Variants in PTPRZ1 observed in about 807,000 individuals in gnomAD.
PTPRZ1 encodes protein tyrosine phosphatase receptor type Z1, also known as receptor-type tyrosine-protein phosphatase zeta.
In PTPRZ1, 82 loss-of-function variants were observed where a neutral mutation model predicts 214.1. The ratio of observed to expected loss-of-function variants is 0.38; its 90% CI spans 0.32 to 0.46. The LOEUF (loss-of-function observed/expected upper bound fraction) is 0.46. Ranked by LOEUF, PTPRZ1 falls within the 20% of genes least tolerant of loss-of-function variation. PTPRZ1 has a pLI of 1.00. For missense variants in PTPRZ1, 2,603 were observed against 2,748.7 expected (o/e 0.95, Z 1.19); for synonymous variants, 945 against 987.9 (o/e 0.96, Z 0.81).
At chr7:122,002,354 T>C (rs573190487) in intron 10 of PTPRZ1, among the ~76,000 whole-genome samples, 32 of 152,178 alleles carry the variant, frequency 2.1e-4, no homozygotes, top group Non-Finnish European at 4.1e-4. Flanking sequence ...CCCATGAGAG[T>C]GCCAAGGAGA....
chr7:122,014,937 A>AG (rs1798802454), intron 12 of PTPRZ1, among the ~76,000 whole-genome samples: 2 of 152,184 alleles, frequency 1.3e-5, no homozygotes, highest in Admixed American at 6.5e-5. Flanking sequence ...ATGGGCATTA[A>AG]TATGTACAGT....
At chr7:122,026,763 G>A (rs1451764105) in intron 13 of PTPRZ1, among the ~76,000 whole-genome samples, 1 of 152,180 alleles carries the variant, frequency 6.6e-6, no homozygotes, top group Non-Finnish European at 1.5e-5. Flanking sequence ...TACCACAGTA[G>A]ATGACTAATT....
intron 2 of PTPRZ1, among the ~76,000 whole-genome samples, chr7:121,958,910 G>A (rs527252340): frequency 5.3e-5 from 8 of 152,124 alleles, no homozygotes; most frequent in African/African-American, 1.9e-4. Flanking sequence ...TGCAACCTCC[G>A]CCTCCCAGGT....
At chr7:121,964,512 A>T (rs1341573878) in intron 2 of PTPRZ1, among the ~76,000 whole-genome samples, 1 of 152,146 alleles carries the variant, frequency 6.6e-6, no homozygotes, top group Non-Finnish European at 1.5e-5. Flanking sequence ...GGTCCCTCCC[A>T]TGACATGTGG....
intron 13 of PTPRZ1, among the ~76,000 whole-genome samples, chr7:122,027,573 A>G (rs1799239140): frequency 6.6e-6 from 1 of 152,206 alleles, no homozygotes; most frequent in Non-Finnish European, 1.5e-5. Flanking sequence ...TCAGTCAAAC[A>G]GAATTCAAGT....
At chr7:121,900,525 A>C (rs1331661078) in intron 1 of PTPRZ1, among the ~76,000 whole-genome samples, 1 of 152,174 alleles carries the variant, frequency 6.6e-6, no homozygotes, top group Non-Finnish European at 1.5e-5. Flanking sequence ...ACCACATGAT[A>C]TGTAAATGAT....
chr7:121,986,541 AT>A (rs2116576988), intron 8 of PTPRZ1, among the ~76,000 whole-genome samples: 1 of 152,358 alleles, frequency 6.6e-6, no homozygotes, highest in East Asian at 1.9e-4. Context: ...GAAATACATG[AT>A]AGGACCTATA....
chr7:122,020,969 A>G (rs1026215740), intron 13 of PTPRZ1, among the ~76,000 whole-genome samples: 5 of 152,122 alleles, frequency 3.3e-5, no homozygotes, highest in Non-Finnish European at 7.4e-5. Context: ...TTTTTACCAC[A>G]TTGATATGTG....
At chr7:121,946,257 T>G (rs1796371195) in intron 2 of PTPRZ1, among the ~76,000 whole-genome samples, 1 of 152,196 alleles carries the variant, frequency 6.6e-6, no homozygotes, top group African/African-American at 2.4e-5. Flanking sequence ...TGGAGGATCT[T>G]AACACATCCC....
chr7:121,873,274 T>C lies in PTPRZ1; in HGVS notation c.-226T>C. ...CGTGCGGCTTTCTCCAGATTATTCC[T>C]CTCTCGCTGTCTCTGACTGTCTCTC... On this transcript the variant is annotated 5_prime_UTR_variant, in exon 1 of 30. Transcript: ENST00000393386. 2.1e-6 allele frequency: 1 copy of C among 484,642 alleles called. No homozygotes were observed. 30.0% of individuals were successfully genotyped at this position (484,642 alleles called of 1,614,324 possible).
At position 122,028,717 on chromosome 7, in the gene PTPRZ1, T is replaced by C. The variant is rs1014736957; in HGVS notation, c.5080+74T>C. ...AAGCACAATGTTGAAAGGTTTGTTT[T>C]TATCGGGACACTATGCAAATTGCTA... On this transcript the variant is annotated intron_variant, in intron 14 of 29. Coordinates refer to ENST00000393386, the MANE Select transcript of PTPRZ1 (RefSeq NM_002851.3). The C allele has an allele frequency of 4.3e-6, 5 of 1,171,470 alleles. No individual in the cohort carries two copies. In the African/African-American group the frequency reaches 6.1e-5, roughly 14 times the overall value. 72.6% of individuals were successfully genotyped at this position (1,171,470 alleles called of 1,614,324 possible).
At chr7:121,948,915 T>C (rs371846376) in intron 2 of PTPRZ1, among the ~76,000 whole-genome samples, 1 of 152,308 alleles carries the variant, frequency 6.6e-6, no homozygotes, top group East Asian at 1.9e-4. Context: ...TTACTTCCTG[T>C]GAACCCTAAA....
chr7:122,048,892 T>C (rs181544721), intron 23 of PTPRZ1, among the ~76,000 whole-genome samples: 1 of 152,190 alleles, frequency 6.6e-6, no homozygotes, highest in East Asian at 1.9e-4. Flanking sequence ...CAAATATAAC[T>C]TTGATACCAA....
intron 8 of PTPRZ1, among the ~76,000 whole-genome samples, chr7:121,990,680 C>T (rs1797930957): frequency 6.6e-6 from 1 of 151,718 alleles, no homozygotes; most frequent in Non-Finnish European, 1.5e-5. Flanking sequence ...CTACCACGCC[C>T]GACTAATTTT....
chr7:121,976,699 A>G, intron 5 of PTPRZ1, 86 bp from the exon 6 acceptor site: 1 of 1,096,940 alleles, frequency 9.1e-7, no homozygotes, highest in Non-Finnish European at 1.3e-6. Context: ...ACATATTTAA[A>G]ATGGAATTCA....
chr7:121,922,442 A>G (rs1397898875), intron 1 of PTPRZ1, among the ~76,000 whole-genome samples: 1 of 152,056 alleles, frequency 6.6e-6, no homozygotes, highest in Non-Finnish European at 1.5e-5. Context: ...CTGTAATCCC[A>G]GCTACTCGGG....
chr7:121,994,839 T>A (rs1039219245), intron 8 of PTPRZ1, among the ~76,000 whole-genome samples: 7 of 152,154 alleles, frequency 4.6e-5, no homozygotes, highest in Non-Finnish European at 1.0e-4. Flanking sequence ...AATTCATGTT[T>A]TTTGACAATG....
chr7:121,916,738 G>A (rs993334542), intron 1 of PTPRZ1, among the ~76,000 whole-genome samples: 3 of 152,200 alleles, frequency 2.0e-5, no homozygotes, highest in Non-Finnish European at 4.4e-5. Context: ...GGGAAATGCT[G>A]TTGCAGCAGT....
rs569218013 is a variant in PTPRZ1, at chr7:121,989,810, G to A, written c.928+5693G>A. Among the ~76,000 whole-genome samples the A allele has an allele frequency of 2.2e-4, 34 of 152,106 alleles. 1 individual carries two copies. In the South Asian group the frequency reaches 4.8e-3, roughly 21 times the overall value. On this transcript the variant is annotated intron_variant, in intron 8 of 29. Transcript: ENST00000393386. ...TTTTTATTACATGAAATTATAAAGC[G>A]TAGAAAATATAGATAAGCACACAGA...
Sources: gnomAD v4.1 joint callset for allele counts (sites outside exome capture counted in the v4.1 genomes callset) on GRCh38, gnomAD v4.1.1 for gene constraint, MANE v1.5 for transcripts, NCBI Gene and HGNC (gene_info 2026-07-23, HGNC 2026-07-21) for gene names.